The following RGS6 variants were observed in gnomAD, a reference collection of about 807,000 sequenced individuals.
The protein encoded by RGS6 is regulator of G protein signaling 6, also known as regulator of G-protein signaling 6.
A neutral mutation model predicts 78.5 loss-of-function variants in RGS6; 30 were observed. The ratio of observed to expected loss-of-function variants is 0.38; its 90% CI spans 0.29 to 0.52. The LOEUF is 0.52. Among genes scored for constraint, RGS6 ranks in the 20% least tolerant of loss-of-function variants. The pLI is 0.85. For synonymous variants in RGS6, 206 were observed against 206.0 expected (o/e 1.00, Z 0.00); for missense variants, 495 against 609.7 (o/e 0.81, Z 1.98).
intron 2 of RGS6, among the ~76,000 whole-genome samples, chr14:72,045,384 A>G (rs1017273964): frequency 6.6e-6 from 1 of 152,162 alleles, no homozygotes; most frequent in Non-Finnish European, 1.5e-5. Context: ...TCTAGACTAG[A>G]TTAATCACAG....
chr14:72,008,903 G>T (rs1335082715), intron 2 of RGS6, among the ~76,000 whole-genome samples: 2 of 152,220 alleles, frequency 1.3e-5, no homozygotes, highest in Non-Finnish European at 1.5e-5. Flanking sequence ...CCAGGAATTT[G>T]GATTTAGGGG....
At chr14:72,274,470 C>T (rs2060387179) in intron 2 of RGS6, among the ~76,000 whole-genome samples, 1 of 152,352 alleles carries the variant, frequency 6.6e-6, no homozygotes, top group Non-Finnish European at 1.5e-5. Flanking sequence ...AACCCAAAGA[C>T]CACAGGGCCG....
rs189504805 is a variant in RGS6 at position 72,269,411 on chromosome 14, G to A, written c.85-82684G>A. On this transcript the variant is annotated intron_variant, in intron 2 of 17. Transcript: ENST00000553525. Reference sequence around the variant, plus strand: ...TTTCTCACTTTCTCCCTCCATTCCAGCCACGTTGGCTTCCTGCTGTCTCTT... The same window carrying A: ...TTTCTCACTTTCTCCCTCCATTCCAACCACGTTGGCTTCCTGCTGTCTCTT... Among the ~76,000 whole-genome samples, 46 of 152,182 alleles carry A rather than the reference G, an allele frequency of 3.0e-4. 2 individuals are homozygous for A. Among genetic ancestry groups the A allele is most frequent in the African/African-American group, 1.1e-3 (44 of 41,516 alleles).
At chr14:72,503,321 T>C (rs1170292584) in intron 13 of RGS6, among the ~76,000 whole-genome samples, 1 of 152,222 alleles carries the variant, frequency 6.6e-6, no homozygotes. Context: ...ATCCCCAGAA[T>C]TTATGTCATC....
At chr14:71,962,527 AGGC>A (rs1202243766) in intron 1 of RGS6, among the ~76,000 whole-genome samples, 5 of 152,216 alleles carry the variant, frequency 3.3e-5, no homozygotes, top group Non-Finnish European at 5.9e-5. Flanking sequence ...GCAAAGGAGT[AGGC>A]AACTAAGTAG....
intron 2 of RGS6, among the ~76,000 whole-genome samples, chr14:72,292,620 T>C (rs1402641245): frequency 6.6e-6 from 1 of 152,232 alleles, no homozygotes; most frequent in East Asian, 1.9e-4. Flanking sequence ...TGCAGGGTTC[T>C]GCAGGCCTGA....
At chr14:71,997,012 C>T (rs942581492) in intron 2 of RGS6, among the ~76,000 whole-genome samples, 1 of 152,020 alleles carries the variant, frequency 6.6e-6, no homozygotes, top group Non-Finnish European at 1.5e-5. Flanking sequence ...ATCCAAGGTG[C>T]AGGAAATGGA....
At chr14:72,214,739 G>T (rs1023359647) in intron 2 of RGS6, among the ~76,000 whole-genome samples, 2 of 152,084 alleles carry the variant, frequency 1.3e-5, no homozygotes, top group African/African-American at 4.8e-5. Context: ...TAGGAGAATT[G>T]CTTGAGCCCA....
chr14:71,875,069 A>G, the RGS6 span, among the ~76,000 whole-genome samples: 1 of 152,284 alleles, frequency 6.6e-6, no homozygotes, highest in East Asian at 1.9e-4. Context: ...GGATTTTTGC[A>G]TCGATGTTCA....
intron 2 of RGS6, among the ~76,000 whole-genome samples, chr14:72,201,560 T>C (rs1046269130): frequency 6.6e-6 from 1 of 152,214 alleles, no homozygotes; most frequent in Non-Finnish European, 1.5e-5. Flanking sequence ...TCTAAGTTAA[T>C]CTACAAGAAT....
the RGS6 span, among the ~76,000 whole-genome samples, chr14:72,585,339 A>G: frequency 3.3e-5 from 5 of 152,228 alleles, no homozygotes; most frequent in African/African-American, 1.2e-4. Flanking sequence ...TAGACATTGC[A>G]GGCATGAGTT....
chr14:72,465,622 GTGGATGGATGGATGGA>G (rs551039934), intron 6 of RGS6, 120 bp from the exon 7 acceptor site: 7 of 355,536 alleles, frequency 2.0e-5, no homozygotes, highest in African/African-American at 5.2e-5. Flanking sequence ...GGGTGGATGG[GTGGATGGATGGATGGA>G]TGGATGGATG....
intron 1 of RGS6, 44 bp from the exon 2 acceptor site, chr14:71,964,728 A>G (rs955217180): frequency 2.2e-6 from 3 of 1,378,542 alleles, no homozygotes; most frequent in Non-Finnish European, 3.0e-6. Context: ...CCCTCTTTAT[A>G]TAATTCCTTC....
At chr14:72,232,359 G>C (rs193024623) in intron 2 of RGS6, among the ~76,000 whole-genome samples, 1 of 152,220 alleles carries the variant, frequency 6.6e-6, no homozygotes, top group Non-Finnish European at 1.5e-5. Context: ...AGAAAGAGGA[G>C]CATTAGCTGC....
intron 3 of RGS6, among the ~76,000 whole-genome samples, chr14:72,362,022 A>G (rs895880060): frequency 6.6e-6 from 1 of 152,208 alleles, no homozygotes; most frequent in African/African-American, 2.4e-5. Context: ...GATTTTATTT[A>G]TGATTCATCA....
intron 12 of RGS6, among the ~76,000 whole-genome samples, chr14:72,481,725 G>A (rs2096382009): frequency 6.6e-6 from 1 of 151,880 alleles, no homozygotes; most frequent in African/African-American, 2.4e-5. Context: ...AATTTTTGTT[G>A]CAGAATGTAT....
chr14:71,957,453 A>G (rs1035890237), intron 1 of RGS6, among the ~76,000 whole-genome samples: 5 of 151,658 alleles, frequency 3.3e-5, no homozygotes, highest in African/African-American at 1.2e-4. Context: ...AGGAGAGGAG[A>G]AGGCAAGTTT....
rs147010083 is a variant in RGS6, at chr14:72,499,772, C to T, written c.965+4510C>T. Among the ~76,000 whole-genome samples, 1,243 of 152,228 alleles carry T rather than the reference C, an allele frequency of 8.2e-3. 10 individuals carry two copies. Among genetic ancestry groups the T allele is most frequent in the Non-Finnish European group, 0.014 (933 of 68,004 alleles). ...TCCTCACATGGCTGGCTTCACTTCT[C>T]ATTCAAGTCTCACTCAGCACTGGTG... On this transcript the variant is annotated intron_variant, in intron 13 of 17. Transcript: ENST00000553525.
At chr14:72,537,805 C>G in intron 16 of RGS6, 2 of 468,030 alleles carry the variant, frequency 4.3e-6, no homozygotes, top group Non-Finnish European at 7.6e-6. Context: ...TTTAACCAGT[C>G]TAGGCCTGTC....
Sources: allele counts gnomAD v4.1 joint callset (sites outside exome capture counted in the v4.1 genomes callset), GRCh38; gene constraint gnomAD v4.1.1; transcripts MANE v1.5; gene names NCBI Gene and HGNC (gene_info 2026-07-23, HGNC 2026-07-21).